Variants in CEP63 observed in about 807,000 individuals in gnomAD.
CEP63 encodes the protein centrosomal protein 63.
Under a neutral mutation model 89.1 loss-of-function variants are expected in CEP63, and 84 were observed. The ratio of observed to expected loss-of-function variants is 0.94; its 90% CI spans 0.79 to 1.13. The LOEUF (loss-of-function observed/expected upper bound fraction) is 1.13, where lower values mean the gene tolerates loss of function less well. Among genes scored for constraint, CEP63 ranks in the 50% most tolerant of loss-of-function variants. The probability of loss-of-function intolerance (pLI) is 0.00; values close to 1 mark genes in which losing one functional copy is unlikely to be tolerated. For synonymous variants in CEP63, 267 were observed against 272.5 expected, an observed-to-expected ratio of 0.98 and a Z score of 0.20; for missense variants, 838 against 813.3, an observed-to-expected ratio of 1.03 and a Z score of -0.37.
the CEP63 span, chr3:134,643,359 C>G: frequency 1.2e-6 from 2 of 1,613,870 alleles, no homozygotes; most frequent in Non-Finnish European, 1.7e-6. Flanking sequence ...GCTGAGGGTG[C>G]TGCTTCTCCA....
At chr3:134,724,821 A>G in the CEP63 span, among the ~76,000 whole-genome samples, 2 of 152,236 alleles carry the variant, frequency 1.3e-5, no homozygotes, top group African/African-American at 2.4e-5. Flanking sequence ...TTTCCAAAGC[A>G]CAAATACAAC....
At chr3:134,717,567 C>T in the CEP63 span, among the ~76,000 whole-genome samples, 1 of 152,200 alleles carries the variant, frequency 6.6e-6, no homozygotes, top group Admixed American at 6.5e-5. Context: ...GTGTCTTTAA[C>T]GAGGGCAAAG....
chr3:134,584,052 C>G (rs1958425461), intron 10 of CEP63, among the ~76,000 whole-genome samples: 1 of 152,176 alleles, frequency 6.6e-6, no homozygotes, highest in Non-Finnish European at 1.5e-5. Context: ...GTTGAAGTTG[C>G]TTATCAGCTT....
the CEP63 span, among the ~76,000 whole-genome samples, chr3:134,631,332 G>A: frequency 2.0e-5 from 3 of 152,114 alleles, no homozygotes; most frequent in Non-Finnish European, 2.9e-5. Context: ...AGTGAAAAGC[G>A]ATGTAAAGCC....
At chr3:134,620,509 C>T in the CEP63 span, among the ~76,000 whole-genome samples, 1 of 152,254 alleles carries the variant, frequency 6.6e-6, no homozygotes, top group African/African-American at 2.4e-5. Flanking sequence ...CAGCTCTGGG[C>T]ACTGGTTATG....
chr3:134,503,840 G>GTTTCCATTCGTGTAGGATATTT (rs141445032), intron 2 of CEP63, among the ~76,000 whole-genome samples: 3 of 151,230 alleles, frequency 2.0e-5, no homozygotes, highest in African/African-American at 7.3e-5. Context: ...CATGTTTTTG[G>GTTTCCATTCGTGTAGGATATTT]TTTCCCATCT....
chr3:134,503,153 G>T (rs1252876467), intron 2 of CEP63, among the ~76,000 whole-genome samples: 2 of 96,878 alleles, frequency 2.1e-5, no homozygotes, highest in African/African-American at 8.1e-5. Flanking sequence ...GGCATCTATT[G>T]CTATAAACAC....
intron 2 of CEP63, among the ~76,000 whole-genome samples, chr3:134,502,936 C>T (rs1433723793): frequency 6.6e-6 from 1 of 152,016 alleles, no homozygotes; most frequent in Admixed American, 6.5e-5. Flanking sequence ...AAACTTTCCT[C>T]TTAACATGGC....
At chr3:134,494,614 A>G (rs565818329) in intron 1 of CEP63, among the ~76,000 whole-genome samples, 49 of 152,294 alleles carry the variant, frequency 3.2e-4, no homozygotes, top group African/African-American at 1.1e-3. Flanking sequence ...GCAGAGATGA[A>G]TAAAATTGGG....
At chr3:134,531,814 G>A (rs1577112366) in intron 3 of CEP63, 31 bp from the exon 4 acceptor site, 2 of 1,458,608 alleles carry the variant, frequency 1.4e-6, no homozygotes, top group Non-Finnish European at 1.9e-6. Context: ...AATGCTAATA[G>A]TGAAAAATAC....
chr3:134,757,594 G>GA, the CEP63 span, among the ~76,000 whole-genome samples: 1 of 152,142 alleles, frequency 6.6e-6, no homozygotes, highest in Admixed American at 6.5e-5. Flanking sequence ...CCTAAAGACA[G>GA]AAAAAATGTA....
chr3:134,782,322 T>C, the CEP63 span, among the ~76,000 whole-genome samples: 1 of 152,334 alleles, frequency 6.6e-6, no homozygotes, highest in Non-Finnish European at 1.5e-5. Context: ...TTTCTTTTTT[T>C]GGTGGGTAGA....
At chr3:134,590,674 A>C (rs1577529685), downstream of CEP63, among the ~76,000 whole-genome samples, 1 of 152,190 alleles carries the variant, frequency 6.6e-6, no homozygotes, top group Non-Finnish European at 1.5e-5. Flanking sequence ...AAATGTCAAC[A>C]TACAGTACAC....
the CEP63 span, among the ~76,000 whole-genome samples, chr3:134,662,102 C>A: frequency 1.3e-5 from 2 of 152,074 alleles, no homozygotes; most frequent in Non-Finnish European, 2.9e-5. Flanking sequence ...CAGGGTGAAA[C>A]CCTGTCTCTA....
At chr3:134,532,695 C>T in intron 4 of CEP63, 83 bp from the exon 5 acceptor site, 1 of 1,177,356 alleles carries the variant, frequency 8.5e-7, no homozygotes, top group South Asian at 1.3e-5. Context: ...TAGCACTGCT[C>T]TTGTTTTCAT....
the CEP63 span, among the ~76,000 whole-genome samples, chr3:134,754,086 C>A: frequency 6.6e-6 from 1 of 152,230 alleles, no homozygotes. Flanking sequence ...GAAATGGCAT[C>A]CCTGAGCCCA....
chr3:134,501,996 C>T (rs1384461335), intron 2 of CEP63, among the ~76,000 whole-genome samples: 8 of 151,906 alleles, frequency 5.3e-5, no homozygotes, highest in South Asian at 4.2e-4. Context: ...ATTTTGAGGT[C>T]GGTTCCTTCG....
chr3:134,661,815 C>A, the CEP63 span, among the ~76,000 whole-genome samples: 2 of 151,360 alleles, frequency 1.3e-5, no homozygotes, highest in African/African-American at 4.8e-5. Context: ...GTGCCCCCCC[C>A]CTCAAATTCA....
intron 12 of CEP63, 49 bp from the exon 13 acceptor site, chr3:134,558,093 A>T: frequency 6.9e-7 from 1 of 1,454,570 alleles, no homozygotes; most frequent in Non-Finnish European, 9.6e-7. Flanking sequence ...ATCACAGATC[A>T]CAGGTATTCT....
Sources: gnomAD v4.1 joint callset for allele counts (sites outside exome capture counted in the v4.1 genomes callset) on GRCh38, gnomAD v4.1.1 for gene constraint, MANE v1.5 for transcripts, NCBI Gene and HGNC (gene_info 2026-07-23, HGNC 2026-07-21) for gene names.